Variants in ADCY2 observed in about 807,000 individuals in gnomAD.
ADCY2 encodes the protein adenylate cyclase type 2.
Under a neutral mutation model 125.2 loss-of-function variants are expected in ADCY2, and 31 were observed. The observed-to-expected ratio is 0.25, with a 90% CI of 0.19 to 0.33. The LOEUF (loss-of-function observed/expected upper bound fraction) is 0.33, where lower values mean the gene tolerates loss of function less well. Ranked by LOEUF, ADCY2 falls within the 10% of genes least tolerant of loss-of-function variation. The pLI is 1.00. For synonymous variants in ADCY2, 512 were observed against 548.4 expected (o/e 0.93, Z 0.93); for missense variants, 904 against 1,418.2 (o/e 0.64, Z 5.82).
intron 16 of ADCY2, among the ~76,000 whole-genome samples, chr5:7,766,188 C>A (rs1743371980): frequency 6.6e-6 from 1 of 152,074 alleles, no homozygotes; most frequent in South Asian, 2.1e-4. Flanking sequence ...ATAATAGATA[C>A]AAATGTCGAG....
intron 3 of ADCY2, among the ~76,000 whole-genome samples, chr5:7,551,162 T>C (rs1735327518): frequency 6.6e-6 from 1 of 152,040 alleles, no homozygotes; most frequent in Non-Finnish European, 1.5e-5. Context: ...TTTTAATGAA[T>C]AGAGCTTCCT....
intron 4 of ADCY2, among the ~76,000 whole-genome samples, chr5:7,651,917 C>T (rs1739103928): frequency 6.6e-6 from 1 of 152,132 alleles, no homozygotes; most frequent in Non-Finnish European, 1.5e-5. Flanking sequence ...ATTCTCCTGC[C>T]TCAACCTCCC....
At position 7,824,783 on chromosome 5, in the gene ADCY2, G is replaced by T. The variant is rs78849939; in HGVS notation, c.3124-1936G>T. 3.9e-3 allele frequency among the ~76,000 whole-genome samples: 599 copies of T among 152,286 alleles called. 6 individuals are homozygous for T. The highest frequency in any genetic ancestry group is 0.014 in the African/African-American group (580 of 41,564). On this transcript the variant is annotated intron_variant, in intron 24 of 24. Transcript: ENST00000338316. ...TCCATAGCCCGCCCTTGAGATCTGCGCATGGAGGATTCACCCTGGTTCTGG... is the reference window on the plus strand; with the variant it reads ...TCCATAGCCCGCCCTTGAGATCTGCTCATGGAGGATTCACCCTGGTTCTGG...
intron 23 of ADCY2, among the ~76,000 whole-genome samples, chr5:7,820,172 G>A (rs1745251705): frequency 6.6e-6 from 1 of 152,158 alleles, no homozygotes; most frequent in Non-Finnish European, 1.5e-5. Flanking sequence ...TATTGGGGCT[G>A]TTTCCTGACC....
intron 12 of ADCY2, among the ~76,000 whole-genome samples, chr5:7,724,254 G>A (rs1417350969): frequency 3.3e-5 from 5 of 151,370 alleles, no homozygotes; most frequent in Admixed American, 1.3e-4. Context: ...TATCTCCCTT[G>A]TTATTTAATT....
At chr5:7,750,489 A>G (rs1742774206) in intron 15 of ADCY2, among the ~76,000 whole-genome samples, 1 of 152,170 alleles carries the variant, frequency 6.6e-6, no homozygotes, top group African/African-American at 2.4e-5. Context: ...GTATTTGTTT[A>G]CTATTTTTTC....
At chr5:7,488,128 G>A (rs74399997) in intron 2 of ADCY2, among the ~76,000 whole-genome samples, 24,980 of 152,088 alleles carry the variant, frequency 0.16, 2,720 homozygotes, top group East Asian at 0.49. Context: ...GTAAAGGGAG[G>A]GGCCAGGTGG....
chr5:7,573,554 G>A (rs1346910204), intron 3 of ADCY2, among the ~76,000 whole-genome samples: 2 of 149,848 alleles, frequency 1.3e-5, no homozygotes, highest in Non-Finnish European at 3.0e-5. Flanking sequence ...TAAAAAACTG[G>A]GAAAACATTT....
intron 11 of ADCY2, among the ~76,000 whole-genome samples, chr5:7,714,794 G>A (rs2126371598): frequency 6.6e-6 from 1 of 152,378 alleles, no homozygotes; most frequent in South Asian, 2.1e-4. Context: ...GGCACTTCCA[G>A]GCTTTGTAAA....
chr5:7,573,797 A>G (rs1014455584), intron 3 of ADCY2, among the ~76,000 whole-genome samples: 7 of 149,528 alleles, frequency 4.7e-5, no homozygotes, highest in African/African-American at 1.7e-4. Context: ...TTTAGGGTAC[A>G]TGTGCACATT....
chr5:7,501,134 A>ATT (rs1233056378), intron 2 of ADCY2, among the ~76,000 whole-genome samples: 3 of 147,148 alleles, frequency 2.0e-5, no homozygotes, highest in Non-Finnish European at 3.0e-5. Context: ...TTTTTTTTAA[A>ATT]AAAAAAAAAA....
chr5:7,812,935 C>T (rs1051158157), intron 22 of ADCY2, among the ~76,000 whole-genome samples: 2 of 152,062 alleles, frequency 1.3e-5, no homozygotes, highest in African/African-American at 2.4e-5. Flanking sequence ...AAAGGTAGGG[C>T]GTTATTGTCC....
chr5:7,707,659 C>T lies in ADCY2; in HGVS notation c.1269-47C>T, dbSNP rs780295526. The stretch of plus-strand genomic sequence containing the variant: ...ATGAGCAAATAGAAACCTTTCTTCA[C>T]ACTTATCCTTTTATGTCTTGACTGT... On this transcript the variant is annotated intron_variant, in intron 8 of 24. Coordinates refer to ENST00000338316, the MANE Select transcript of ADCY2 (RefSeq NM_020546.3). 2.5e-6 allele frequency: 4 copies of T among 1,603,198 alleles called. No homozygotes were observed. In the Admixed American group the frequency reaches 6.8e-5, roughly 27 times the overall value.
chr5:7,728,505 A>G (rs1293319630), intron 14 of ADCY2, among the ~76,000 whole-genome samples: 1 of 152,184 alleles, frequency 6.6e-6, no homozygotes, highest in East Asian at 1.9e-4. Flanking sequence ...CAGAATCTTC[A>G]GTGAAATTTC....
chr5:7,538,124 T>C (rs1392481), intron 3 of ADCY2, among the ~76,000 whole-genome samples: 11,053 of 152,294 alleles, frequency 0.073, 450 homozygotes, highest in East Asian at 0.19. Context: ...TGATCTCGGG[T>C]ACATAGCAGA....
Position 7,414,584 on chromosome 5 carries a change from C to T in ADCY2, c.222C>T (p.Asp74=). ...VFFALGLEVE[D]HVAFLITVPT... ...TTTTATCTCCTCAGGAAGTTGAAGA[C>T]CATGTGGCGTTTCTAATAACAGTTC... The change falls in exon 2 of 25, where the codon GAC becomes GAT. Residue 74 remains aspartate (D), a synonymous_variant. Coordinates refer to ENST00000338316, the MANE Select transcript of ADCY2 (RefSeq NM_020546.3). 1 of 1,611,092 alleles carries T rather than the reference C, an allele frequency of 6.2e-7. No individual in the cohort carries two copies. The highest frequency in any genetic ancestry group is 1.3e-5 in the African/African-American group (1 of 74,932).
At chr5:7,779,576 C>A (rs1169566771) in intron 18 of ADCY2, among the ~76,000 whole-genome samples, 1 of 626 alleles carries the variant, frequency 1.6e-3, no homozygotes, top group African/African-American at 1.8e-3. Flanking sequence ...CCAGTCCAAC[C>A]CCCCCCCCAA....
chr5:7,700,304 A>G (rs1168033501), intron 7 of ADCY2, among the ~76,000 whole-genome samples: 2 of 152,210 alleles, frequency 1.3e-5, no homozygotes, highest in African/African-American at 4.8e-5. Flanking sequence ...AAGTAAAAAT[A>G]TAAGGTAAAA....
intron 22 of ADCY2, among the ~76,000 whole-genome samples, chr5:7,813,426 A>C (rs1391324838): frequency 6.6e-6 from 1 of 152,232 alleles, no homozygotes; most frequent in Non-Finnish European, 1.5e-5. Context: ...TACTTTAAGC[A>C]ATGTTCCTTG....
Sources: allele counts gnomAD v4.1 joint callset (sites outside exome capture counted in the v4.1 genomes callset), GRCh38; gene constraint gnomAD v4.1.1; transcripts MANE v1.5; gene names NCBI Gene and HGNC (gene_info 2026-07-23, HGNC 2026-07-21).